Variants in KICS2 observed in about 807,000 individuals in gnomAD.
KICS2 encodes KICSTOR subunit 2, also known as KICSTOR complex protein C12orf66.
Under a neutral mutation model 31.4 loss-of-function variants are expected in KICS2, and 13 were observed. The ratio of observed to expected loss-of-function variants is 0.41; its 90% CI spans 0.27 to 0.66. The LOEUF is 0.66. Ranked by LOEUF, KICS2 falls within the 30% of genes least tolerant of loss-of-function variation. The pLI, the probability that KICS2 is intolerant of heterozygous loss-of-function variation, is 0.28. For synonymous variants in KICS2, 209 were observed against 214.8 expected (o/e 0.97, Z 0.24); for missense variants, 455 against 545.4 (o/e 0.83, Z 1.65).
downstream of KICS2, among the ~76,000 whole-genome samples, chr12:64,190,434 C>A (rs2037370026): frequency 6.6e-6 from 1 of 152,004 alleles, no homozygotes; most frequent in Non-Finnish European, 1.5e-5. Flanking sequence ...TGAAGGAATT[C>A]CCTGGGAAAG....
In KICS2 at chr12:64,194,072, C is replaced by G; in HGVS notation, c.1108G>C (p.Asp370His). ...AAGCTGTTCAGATCAGATGTGCGGT[C>G]CGTCATGATCATGATGACATTGGGC... Reference protein sequence around the residue: ...HWPNVIMIMTDRTSDLNSLEK... With the variant: ...HWPNVIMIMTHRTSDLNSLEK... The change falls in exon 3 of 3, where the codon GAC becomes CAC. Residue 370 changes from aspartate to histidine, a missense_variant. Transcript: ENST00000398055. The G allele has an allele frequency of 6.2e-7, 1 of 1,614,126 alleles. No homozygotes were observed. The highest frequency in any genetic ancestry group is 2.2e-5 in the East Asian group (1 of 44,876).
At chr12:64,217,405 TAGA>T (rs928002267) in intron 1 of KICS2, among the ~76,000 whole-genome samples, 16 of 151,746 alleles carry the variant, frequency 1.1e-4, no homozygotes, top group African/African-American at 2.4e-4. Flanking sequence ...TGGGCCACAT[TAGA>T]AGAAGAAGAA....
intron 1 of KICS2, among the ~76,000 whole-genome samples, chr12:64,217,039 A>C (rs2037635875): frequency 6.6e-6 from 1 of 152,230 alleles, no homozygotes; most frequent in Admixed American, 6.5e-5. Flanking sequence ...AAAATGTATC[A>C]AGGCATTTGT....
intron 2 of KICS2, among the ~76,000 whole-genome samples, chr12:64,206,093 AT>A (rs1240724285): frequency 1.3e-5 from 2 of 152,020 alleles, no homozygotes; most frequent in Admixed American, 6.6e-5. Flanking sequence ...TAATTTTTAA[AT>A]TTTTTTGTAG....
intron 1 of KICS2, among the ~76,000 whole-genome samples, chr12:64,219,946 G>T (rs813156): frequency 0.99 from 150,071 of 152,278 alleles, 73,983 homozygotes; most frequent in Middle Eastern, 1. Flanking sequence ...GTTTTCTCCT[G>T]AAGTTTTTAA....
At chr12:64,196,799 G>T (rs2037444673) in intron 2 of KICS2, among the ~76,000 whole-genome samples, 1 of 149,498 alleles carries the variant, frequency 6.7e-6, no homozygotes, top group African/African-American at 2.5e-5. Flanking sequence ...ACTACGTGAA[G>T]AATGCAGAAG....
rs950682713 is a variant in KICS2 at position 64,191,465 on chromosome 12, G to A, written c.*2377C>T. The A allele has an allele frequency of 1.3e-5, 2 of 151,964 alleles. No homozygotes were observed. The highest frequency in any genetic ancestry group is 2.9e-5 in the Non-Finnish European group (2 of 68,004). The allele number at this position is 151,964 out of a possible 1,614,324, so 9.4% of individuals were successfully genotyped here. A position where few individuals can be genotyped will look rare whatever the true frequency, so the allele number is the denominator to read the frequency against. ...TATATGCTTTACTTACACCTCTCTC[G>A]GGGTTCCACTGAAGTATATATTCTT... is the stretch of plus-strand genomic sequence containing the variant. On this transcript the variant is annotated 3_prime_UTR_variant, in exon 3 of 3. Coordinates refer to ENST00000398055, the MANE Select transcript of KICS2 (RefSeq NM_152440.5).
Position 64,222,182 on chromosome 12 carries a change from T to A in KICS2, c.56A>T (p.Glu19Val). ...GATACCCAGGTGAGAGAAGAACGTC[T>A]CCAGCACCGCCTGTTCCACCGGGAC... ...APVPVEQAVL[E>V]TFFSHLGIFS... Residue 19 changes from glutamate to valine, a missense_variant, in exon 1 of 3, where the codon GAG becomes GTG. By Grantham distance (121) the Glu-to-Val change is moderately radical (BLOSUM62 -2). Transcript: ENST00000398055. The A allele has an allele frequency of 1.2e-6, 2 of 1,614,074 alleles. No homozygotes were observed. Among genetic ancestry groups the A allele is most frequent in the South Asian group, 2.2e-5 (2 of 91,074 alleles).
chr12:64,197,553 T>A (rs1196416266), intron 2 of KICS2, among the ~76,000 whole-genome samples: 346 of 149,010 alleles, frequency 2.3e-3, no homozygotes, highest in Non-Finnish European at 3.9e-3. Flanking sequence ...TAACGAGCAA[T>A]ATCACCAGCT....
rs574187027 is a variant in KICS2 at position 64,191,261 on chromosome 12, A to G, written c.*2581T>C. ...GAAATAATTTAAGTATCAATATTCA[A>G]TCTTCAAAAACTCTTCCAGTACAGT... On this transcript the variant is annotated 3_prime_UTR_variant, in exon 3 of 3. Coordinates refer to ENST00000398055, the MANE Select transcript of KICS2 (RefSeq NM_152440.5). The G allele has an allele frequency of 3.9e-5, 6 of 152,322 alleles. No homozygotes were observed. The highest frequency in any genetic ancestry group is 2.0e-4 in the Admixed American group (3 of 15,302). The allele number at this position is 152,322 out of a possible 1,614,324, so 9.4% of individuals were successfully genotyped here.
At chr12:64,203,973 C>T (rs1657051) in intron 2 of KICS2, among the ~76,000 whole-genome samples, 149,930 of 152,092 alleles carry the variant, frequency 0.99, 73,935 homozygotes, top group Middle Eastern at 1. Context: ...TGCAGGGACA[C>T]GGATGAAGCT....
intron 2 of KICS2, among the ~76,000 whole-genome samples, chr12:64,209,311 A>T (rs1396179725): frequency 6.6e-6 from 1 of 152,130 alleles, no homozygotes; most frequent in Non-Finnish European, 1.5e-5. Flanking sequence ...CTGGCCAGGC[A>T]CAGTGGCTCA....
chr12:64,192,721 A>G lies in KICS2; in HGVS notation c.*1121T>C. 1 of 985,370 alleles carries G rather than the reference A, an allele frequency of 1.0e-6. No individual in the cohort carries two copies. The highest frequency in any genetic ancestry group is 1.2e-6 in the Non-Finnish European group (1 of 829,924). The allele number at this position is 985,370 out of a possible 1,614,324, so 61.0% of individuals were successfully genotyped here. ...CAGCCCATTATGCCTTCACTGATCC[A>G]CCTACTTCCCATGAACACCTGCCGA... On this transcript the variant is annotated 3_prime_UTR_variant, in exon 3 of 3. Coordinates refer to ENST00000398055, the MANE Select transcript of KICS2 (RefSeq NM_152440.5).
Position 64,191,298 on chromosome 12 carries a change from G to T in KICS2, c.*2544C>A, listed in dbSNP as rs2037376419. On this transcript the variant is annotated 3_prime_UTR_variant, in exon 3 of 3. Transcript: ENST00000398055. ...TCTTCCAGTACAGTCTATGACAGCT[G>T]CACAGTAATACATATTGTCTTAGAT... The T allele has an allele frequency of 1.3e-5, 2 of 151,694 alleles. No individual in the cohort carries two copies. Among genetic ancestry groups the T allele is most frequent in the Non-Finnish European group, 2.9e-5 (2 of 68,026 alleles). 9.4% of individuals were successfully genotyped at this position (151,694 alleles called of 1,614,324 possible).
intron 1 of KICS2, among the ~76,000 whole-genome samples, chr12:64,220,724 T>C (rs1223634498): frequency 5.3e-5 from 8 of 152,146 alleles, no homozygotes; most frequent in Non-Finnish European, 7.4e-5. Flanking sequence ...ATAATTTTCA[T>C]ACACATTTTT....
In KICS2 at chr12:64,222,215, G is replaced by T. The variant is rs1304641787; in HGVS notation, c.23C>A (p.Ala8Asp). 6.2e-7 allele frequency: 1 copy of T among 1,613,942 alleles called. No homozygotes were observed. The highest frequency in any genetic ancestry group is 1.1e-5 in the South Asian group (1 of 91,068). The change falls in exon 1 of 3, where the codon GCC (alanine) becomes GAC (aspartate). Residue 8 changes from alanine to aspartate, a missense_variant. By Grantham distance (126) the Ala-to-Asp change is moderately radical. Coordinates refer to ENST00000398055, the MANE Select transcript of KICS2 (RefSeq NM_152440.5). ...CGCCTGTTCCACCGGGACCGGGGCG[G>T]CCAGCGGGATAGACTCCCCCATGCG... MGESIPLAAPVPVEQAVL... is the reference protein window; with the variant it reads MGESIPLDAPVPVEQAVL...
intron 1 of KICS2, among the ~76,000 whole-genome samples, chr12:64,218,461 G>A (rs2037649974): frequency 6.6e-6 from 1 of 152,180 alleles, no homozygotes; most frequent in African/African-American, 2.4e-5. Flanking sequence ...CATTTGGTGT[G>A]TAATGTGCCT....
At chr12:64,214,069 C>T (rs774237569) in intron 2 of KICS2, among the ~76,000 whole-genome samples, 1 of 152,234 alleles carries the variant, frequency 6.6e-6, no homozygotes, top group Non-Finnish European at 1.5e-5. Context: ...ATTGCACACA[C>T]AGTGCCACAG....
rs1321302287 is a variant in KICS2 at position 64,222,258 on chromosome 12, AC to A, written c.-22del. ...CCCATGCGAGCTGCGCCCCAGCTCG[AC>A]CCACGTGGCTCTCCTCGGCCTCGCA... On this transcript the variant is annotated 5_prime_UTR_variant, in exon 1 of 3. Coordinates refer to ENST00000398055, the MANE Select transcript of KICS2 (RefSeq NM_152440.5). 25 of 1,611,024 alleles carry A rather than the reference AC, an allele frequency of 1.6e-5. No individual in the cohort carries two copies. Among genetic ancestry groups the A allele is most frequent in the Non-Finnish European group, 2.0e-5 (24 of 1,178,916 alleles).
Sources: allele counts gnomAD v4.1 joint callset (sites outside exome capture counted in the v4.1 genomes callset), GRCh38; gene constraint gnomAD v4.1.1; transcripts MANE v1.5; gene names NCBI Gene and HGNC (gene_info 2026-07-23, HGNC 2026-07-21).